The following TTN variants were observed in gnomAD, a reference collection of about 807,000 sequenced individuals.
TTN encodes titin.
TTN carries 1,525 observed loss-of-function variants against 3,223.0 expected under a neutral mutation model. The observed-to-expected ratio is 0.47, with a 90% CI of 0.45 to 0.49. The LOEUF (loss-of-function observed/expected upper bound fraction) is 0.49. Among genes scored for constraint, TTN ranks in the 20% least tolerant of loss-of-function variants. The pLI is 0.00. For synonymous variants in TTN, 14,094 were observed against 15,161.0 expected (o/e 0.93, Z 5.17); for missense variants, 40,786 against 43,424.0 (o/e 0.94, Z 5.40).
rs373223049 is a variant in TTN, at chr2:178,722,906, A to G, written c.21993T>C (p.Pro7331=). Residue 7331 remains proline (P), a synonymous_variant, in exon 76 of 363, where the codon CCT becomes CCC. Coordinates refer to ENST00000589042, the MANE Select transcript of TTN (RefSeq NM_001267550.2). Reference sequence around the variant, plus strand: ...CCGAATCTCCAACTGCTGCCTCCAGAGGTTCCAGTTCCGTAACAAAATAAG... The same window carrying G: ...CCGAATCTCCAACTGCTGCCTCCAGGGGTTCCAGTTCCGTAACAAAATAAG... The part of the protein sequence containing the change: ...EPPYFVTELE[P]LEAAVGDSVS... 73 of 1,612,616 alleles carry G rather than the reference A, an allele frequency of 4.5e-5. No individual in the cohort carries two copies. The African/African-American group carries it at 8.8e-4, about 19-fold the overall frequency.
Position 178,704,238 on chromosome 2 carries a change from T to C in TTN, c.30132A>G (p.Lys10044=), listed in dbSNP as rs761782268. 2.0e-5 allele frequency: 32 copies of C among 1,613,884 alleles called. No individual in the cohort carries two copies. The highest frequency in any genetic ancestry group is 3.3e-5 in the Admixed American group (2 of 60,000). The change falls in exon 106 of 363, where the codon AAA becomes AAG. Residue 10044 remains lysine (K), a synonymous_variant. Coordinates refer to ENST00000589042, the MANE Select transcript of TTN (RefSeq NM_001267550.2). Reference sequence around the variant, plus strand: ...CTGCTCGAACATCTGCAATGGTCAATTTATGGACTTTGTGTTCCACTTCTG... The same window carrying C: ...CTGCTCGAACATCTGCAATGGTCAACTTATGGACTTTGTGTTCCACTTCTG... ...HKTEVEHKVH[K]LTIADVRAED...
rs146907834 is a variant in TTN at position 178,637,262 on chromosome 2, A to G, written c.40927+107T>C. 2,239 of 639,920 alleles carry G rather than the reference A, an allele frequency of 3.5e-3. 46 individuals carry two copies. In the African/African-American group the frequency reaches 0.039, roughly 11 times the overall value. 39.6% of individuals were successfully genotyped at this position (639,920 alleles called of 1,614,324 possible). A position where few individuals can be genotyped will look rare whatever the true frequency, so the allele number is the denominator to read the frequency against. On this transcript the variant is annotated intron_variant, in intron 224 of 362. Transcript: ENST00000589042. ...GCTAGTTTTAGTAGAATCAATTAGAAAAAATAAAAATTGTTATGAATTTTG... is the reference window on the plus strand; with the variant it reads ...GCTAGTTTTAGTAGAATCAATTAGAGAAAATAAAAATTGTTATGAATTTTG...
chr2:178,719,503 C>T (rs1382512645), intron 82 of TTN, 51 bp downstream of exon 82: 2 of 1,588,422 alleles, frequency 1.3e-6, no homozygotes, highest in Non-Finnish European at 8.6e-7. Context: ...ATTCTGTGCC[C>T]CTCCACCCCC....
intron 271 of TTN, 51 bp from the exon 272 acceptor site, chr2:178,610,037 CA>C: frequency 1.2e-6 from 2 of 1,610,374 alleles, no homozygotes; most frequent in East Asian, 2.2e-5. Flanking sequence ...CTTCTTAAAA[CA>C]AAACTATGGT....
At position 178,622,894 on chromosome 2, in the gene TTN, C is replaced by G. The variant is rs930637525; in HGVS notation, c.44816-127G>C. 7.6e-5 allele frequency: 56 copies of G among 735,722 alleles called. No individual in the cohort carries two copies. The African/African-American group carries it at 8.3e-4, about 11-fold the overall frequency. 45.6% of individuals were successfully genotyped at this position (735,722 alleles called of 1,614,324 possible). A position where few individuals can be genotyped will look rare whatever the true frequency, so the allele number is the denominator to read the frequency against. On this transcript the variant is annotated intron_variant, in intron 242 of 362. Transcript: ENST00000589042. Reference sequence around the variant, plus strand: ...TTCCATCTTAATAGACTACAACTGACTTTGAAATCACTTGAAGCTGCCCAT... The same window carrying G: ...TTCCATCTTAATAGACTACAACTGAGTTTGAAATCACTTGAAGCTGCCCAT...
rs746763202 is a variant in TTN at position 178,560,678 on chromosome 2, T to C, written c.85454A>G (p.Tyr28485Cys). ...PQEDGGADID[Y>C]YIVEKRETSH... ...TGTTTCACGTTTTTCTACGATGTAA[T>C]AGTCGATATCTGCACCACCATCTTC... Residue 28485 changes from tyrosine to cysteine, a missense_variant, in exon 326 of 363, where the codon TAT becomes TGT. Physicochemically the swap from Tyr to Cys is radical, Grantham distance 194. Transcript: ENST00000589042. The C allele has an allele frequency of 3.1e-6, 5 of 1,613,674 alleles. No individual in the cohort carries two copies. The East Asian group carries it at 8.9e-5, about 29-fold the overall frequency.
Position 178,795,252 on chromosome 2 carries a change from C to T in TTN, c.915G>A (p.Arg305=), listed in dbSNP as rs763388868. The change falls in exon 7 of 363, where the codon AGG becomes AGA. Residue 305 remains arginine, a splice_region_variant and synonymous_variant. Coordinates refer to ENST00000589042, the MANE Select transcript of TTN (RefSeq NM_001267550.2). Reference sequence around the variant, plus strand: ...AGATTCTTGCTGCTGGAGACACGGACCTGAAAACCAAAAGGCAGAGGTCAA... The same window carrying T: ...AGATTCTTGCTGCTGGAGACACGGATCTGAAAACCAAAAGGCAGAGGTCAA... ...HVRAPTPSPV[R]SVSPAARIST... is the part of the protein sequence containing the mutation. 3.1e-6 allele frequency: 5 copies of T among 1,613,856 alleles called. No homozygotes were observed. The South Asian group carries it at 4.4e-5, about 14-fold the overall frequency.
chr2:178,541,768 T>A, intron 349 of TTN, 184 bp from the exon 350 acceptor site: 1 of 363,338 alleles, frequency 2.8e-6, no homozygotes. Context: ...TTTAATTATT[T>A]AATTATTTTT....
In TTN at chr2:178,532,490, G is replaced by A. The variant is rs530959653; in HGVS notation, c.104125C>T (p.Arg34709Cys). The A allele has an allele frequency of 2.4e-5, 39 of 1,613,958 alleles. No homozygotes were observed. Among genetic ancestry groups the A allele is most frequent in the African/African-American group, 1.2e-4 (9 of 75,042 alleles). The stretch of plus-strand genomic sequence containing the variant: ...ACATGAGCTTGTGGTGAAGAGTAAC[G>A]TAGGCTAGAAAGCTCAAAGTGTGGA... The part of the protein sequence containing the change: ...SPPHFELSSL[R>C]YSSPQAHVKV... Residue 34709 changes from arginine to cysteine, a missense_variant, in exon 358 of 363, where the codon CGT (arginine) becomes TGT (cysteine). By Grantham distance (180) the Arg-to-Cys change is radical. Coordinates refer to ENST00000589042, the MANE Select transcript of TTN (RefSeq NM_001267550.2).
At chr2:178,663,770 T>A (rs181898428) in intron 170 of TTN, 49 bp downstream of exon 170, 2 of 1,610,948 alleles carry the variant, frequency 1.2e-6, no homozygotes, top group East Asian at 4.5e-5. Flanking sequence ...AAAAAATATC[T>A]TCAAGAGCAA....
chr2:178,709,416 T>C, intron 99 of TTN, 150 bp downstream of exon 99: 1 of 710,040 alleles, frequency 1.4e-6, no homozygotes, highest in East Asian at 3.2e-5. Flanking sequence ...ATATTTTTAG[T>C]AAACATATGG....
At position 178,645,474 on chromosome 2, in the gene TTN, T is replaced by C. The variant is rs567597596; in HGVS notation, c.40408+446A>G. 8.3e-4 allele frequency among the ~76,000 whole-genome samples: 126 copies of C among 152,250 alleles called. 1 individual carries two copies. Among genetic ancestry groups the C allele is most frequent in the African/African-American group, 2.8e-3 (118 of 41,570 alleles). ...AATCATAACTATATTACTTGTAATA[T>C]ATTTAAAAGCACATGCAATTCTTTA... On this transcript the variant is annotated intron_variant, in intron 217 of 362. Coordinates refer to ENST00000589042, the MANE Select transcript of TTN (RefSeq NM_001267550.2).
chr2:178,589,008 G>A lies in TTN; in HGVS notation c.62717C>T (p.Thr20906Ile), dbSNP rs1386139408. ...IQNYILEKCE[T>I]KRMVWSTYSA... is the part of the protein sequence containing the mutation. Reference sequence around the variant, plus strand: ...ATAGGTAGACCAAACCATTCGCTTTGTCTCACATTTTTCTAGAATATAATT... The same window carrying A: ...ATAGGTAGACCAAACCATTCGCTTTATCTCACATTTTTCTAGAATATAATT... The change falls in exon 304 of 363, where the codon ACA (threonine) becomes ATA (isoleucine). Residue 20906 changes from threonine to isoleucine, a missense_variant. By Grantham distance (89) the Thr-to-Ile change is moderately conservative. Coordinates refer to ENST00000589042, the MANE Select transcript of TTN (RefSeq NM_001267550.2). 1 of 1,611,288 alleles carries A rather than the reference G, an allele frequency of 6.2e-7. No individual in the cohort carries two copies. The highest frequency in any genetic ancestry group is 2.2e-5 in the East Asian group (1 of 44,566).
Position 178,552,666 on chromosome 2 carries a change from G to A in TTN, c.90234C>T (p.Ser30078=). 2 of 1,613,892 alleles carry A rather than the reference G, an allele frequency of 1.2e-6. No homozygotes were observed. The highest frequency in any genetic ancestry group is 4.5e-5 in the East Asian group (2 of 44,852). The stretch of plus-strand genomic sequence containing the variant: ...CACATGTCTTACTTATGCCAGCGTG[G>A]GACCACGTCTGTTCACCTTTACCTT... ...ERKGKGEQTW[S]HAGISKTCEI... The change falls in exon 335 of 363, where the codon TCC becomes TCT. Residue 30078 remains serine (S), a synonymous_variant. Coordinates refer to ENST00000589042, the MANE Select transcript of TTN (RefSeq NM_001267550.2).
intron 326 of TTN, 146 bp downstream of exon 326, chr2:178,559,164 AT>A: frequency 1.5e-6 from 1 of 671,622 alleles, no homozygotes; most frequent in South Asian, 2.7e-5. Flanking sequence ...TAGAGATTCC[AT>A]TTTGTGCCAT....
chr2:178,533,111 C>A lies in TTN; in HGVS notation c.103504G>T (p.Ala34502Ser), dbSNP rs1248423745. 1 of 1,613,958 alleles carries A rather than the reference C, an allele frequency of 6.2e-7. No individual in the cohort carries two copies. Among genetic ancestry groups the A allele is most frequent in the Admixed American group, 1.7e-5 (1 of 60,010 alleles). ...TAAAGGACAGCAGCTTCTCTCAGAG[C>A]CTCTTTAGCTACCTGTGTCAGTGGT... is the stretch of plus-strand genomic sequence containing the variant. ...SVPLTQVAKE[A>S]LREAAVLYKP... is the part of the protein sequence containing the mutation. Residue 34502 changes from alanine (A) to serine (S), a missense_variant, in exon 358 of 363, where the codon GCT (alanine) becomes TCT (serine). Coordinates refer to ENST00000589042, the MANE Select transcript of TTN (RefSeq NM_001267550.2).
Position 178,553,232 on chromosome 2 carries a change from T to C in TTN, c.89668A>G (p.Asn29890Asp). 1 of 1,613,592 alleles carries C rather than the reference T, an allele frequency of 6.2e-7. No individual in the cohort carries two copies. Among genetic ancestry groups the C allele is most frequent in the Non-Finnish European group, 8.5e-7 (1 of 1,179,812 alleles). Residue 29890 changes from asparagine (N) to aspartate (D), a missense_variant, in exon 335 of 363, where the codon AAC becomes GAC. Asn to Asp is a conservative substitution (Grantham distance 23). Transcript: ENST00000589042. ...LGSDARYSIE[N>D]TDSSSLLTIP... ...GTGAGTAATGAGGATGAATCAGTGT[T>C]TTCAATGCTGTATCTGGCATCACTG...
chr2:178,614,278 G>A lies in TTN; in HGVS notation c.49119C>T (p.Asn16373=), dbSNP rs1576457751. The A allele has an allele frequency of 1.2e-6, 2 of 1,612,518 alleles. No homozygotes were observed. The highest frequency in any genetic ancestry group is 2.7e-5 in the African/African-American group (2 of 74,766). ...TAGATCCACCATCATCGCGTGGTGGGTTCCATGTTAGAAGACATGACTCAT... is the reference window on the plus strand; with the variant it reads ...TAGATCCACCATCATCGCGTGGTGGATTCCATGTTAGAAGACATGACTCAT... The part of the protein sequence containing the change: ...VTNESCLLTW[N]PPRDDGGSKI... The change falls in exon 262 of 363, where the codon AAC becomes AAT. Residue 16373 remains asparagine (N), a synonymous_variant. Transcript: ENST00000589042.
At position 178,776,298 on chromosome 2, in the gene TTN, C is replaced by T. The variant is rs1315454944; in HGVS notation, c.5566G>A (p.Glu1856Lys). The T allele has an allele frequency of 1.1e-5, 17 of 1,613,942 alleles. No individual in the cohort carries two copies. The highest frequency in any genetic ancestry group is 1.4e-5 in the Non-Finnish European group (16 of 1,180,002). Residue 1856 changes from glutamate (E) to lysine (K), a missense_variant, in exon 28 of 363, where the codon GAG (glutamate) becomes AAG (lysine). Coordinates refer to ENST00000589042, the MANE Select transcript of TTN (RefSeq NM_001267550.2). ...ACCCTGCAGCGGAACCTTGCAGTCT[C>T]CCCTTCAAGTACTCTAACTGGCTCT... ...YPEPVRVLEG[E>K]TARFRCRVTG... is the part of the protein sequence containing the mutation.
Sources: gnomAD v4.1 joint callset for allele counts (sites outside exome capture counted in the v4.1 genomes callset) on GRCh38, gnomAD v4.1.1 for gene constraint, MANE v1.5 for transcripts, NCBI Gene and HGNC (gene_info 2026-07-23, HGNC 2026-07-21) for gene names.